Variants in RAPGEF4 observed in about 807,000 individuals in gnomAD.
The protein encoded by RAPGEF4 is RAP guanine-nucleotide-exchange factor (GEF) 4.
A neutral mutation model predicts 147.9 loss-of-function variants in RAPGEF4; 66 were observed. The observed-to-expected ratio is 0.45, with a 90% CI of 0.37 to 0.55. The LOEUF is 0.55. Among genes scored for constraint, RAPGEF4 ranks in the 20% least tolerant of loss-of-function variants. The pLI is 0.00. For missense variants in RAPGEF4, 1,071 were observed against 1,257.3 expected, an observed-to-expected ratio of 0.85 and a Z score of 2.24; for synonymous variants, 419 against 442.7, an observed-to-expected ratio of 0.95 and a Z score of 0.67.
At chr2:172,975,549 CT>C (rs1690974545) in intron 10 of RAPGEF4, among the ~76,000 whole-genome samples, 1 of 152,106 alleles carries the variant, frequency 6.6e-6, no homozygotes. Flanking sequence ...TTCTTTTTTT[CT>C]TTCATTGACA....
At chr2:172,899,680 G>T (rs1256520907) in intron 4 of RAPGEF4, among the ~76,000 whole-genome samples, 1 of 152,110 alleles carries the variant, frequency 6.6e-6, no homozygotes, top group Non-Finnish European at 1.5e-5. Context: ...CTGCTGGGTG[G>T]CACCTGCAGA....
chr2:173,049,258 A>G (rs1193154785), intron 30 of RAPGEF4, among the ~76,000 whole-genome samples: 1 of 152,184 alleles, frequency 6.6e-6, no homozygotes, highest in African/African-American at 2.4e-5. Flanking sequence ...AATAATAAAT[A>G]ACAATTTTAG....
At chr2:172,775,961 G>C (rs17754879) in intron 1 of RAPGEF4, among the ~76,000 whole-genome samples, 14,244 of 152,124 alleles carry the variant, frequency 0.094, 893 homozygotes, top group Non-Finnish European at 0.12. Flanking sequence ...GCCATGAAGA[G>C]TACTTTATTC....
chr2:172,927,626 C>T (rs1471114938), intron 6 of RAPGEF4, among the ~76,000 whole-genome samples: 1 of 139,736 alleles, frequency 7.2e-6, no homozygotes, highest in East Asian at 2.3e-4. Flanking sequence ...CAGAGTGAGA[C>T]CTTGTCTCTA....
At chr2:172,744,230 G>T in intron 1 of RAPGEF4, 1 of 278,956 alleles carries the variant, frequency 3.6e-6, no homozygotes, top group Non-Finnish European at 7.2e-6. Context: ...GGATCTCCCC[G>T]TTTTCTGTTT....
chr2:172,988,513 G>A (rs572527074), intron 13 of RAPGEF4, among the ~76,000 whole-genome samples, 180 bp from the exon 14 acceptor site: 4 of 152,306 alleles, frequency 2.6e-5, no homozygotes, highest in South Asian at 2.1e-4. Flanking sequence ...GCCACAGACC[G>A]TATTACTCAG....
rs556230063 is a variant in RAPGEF4, at chr2:173,049,501, C to T, written c.2908+847C>T. Among the ~76,000 whole-genome samples the T allele has an allele frequency of 6.6e-5, 10 of 152,304 alleles. No individual in the cohort carries two copies. In the South Asian group the frequency reaches 1.9e-3, roughly 28 times the overall value. On this transcript the variant is annotated intron_variant, in intron 30 of 30. Transcript: ENST00000397081. ...CTATGACATAGACATGAATCTGAGG[C>T]TACCAGTACCGTCTCCTCCAATAAA...
intron 4 of RAPGEF4, among the ~76,000 whole-genome samples, chr2:172,906,760 T>C (rs538978679): frequency 1.7e-4 from 26 of 152,308 alleles, no homozygotes; most frequent in Non-Finnish European, 2.9e-4. Context: ...ACCTCCACAG[T>C]AGGGAGTCCT....
chr2:172,869,827 TGAGCTCA>T (rs1056386004), intron 4 of RAPGEF4, among the ~76,000 whole-genome samples: 2 of 152,188 alleles, frequency 1.3e-5, no homozygotes, highest in African/African-American at 4.8e-5. Flanking sequence ...TCCAGAAATC[TGAGCTCA>T]GACAATGTAA....
chr2:172,825,460 A>G (rs1184560872), intron 4 of RAPGEF4, among the ~76,000 whole-genome samples: 1 of 152,206 alleles, frequency 6.6e-6, no homozygotes. Flanking sequence ...TATAACAGGC[A>G]TTGCTATTGC....
intron 4 of RAPGEF4, among the ~76,000 whole-genome samples, chr2:172,897,936 A>G (rs1015565127): frequency 1.6e-4 from 25 of 152,174 alleles, no homozygotes; most frequent in East Asian, 3.9e-4. Flanking sequence ...CTGACAGTGG[A>G]ACAAGGTTAG....
intron 1 of RAPGEF4, among the ~76,000 whole-genome samples, chr2:172,778,578 C>T (rs1684393021): frequency 6.6e-6 from 1 of 151,904 alleles, no homozygotes; most frequent in Non-Finnish European, 1.5e-5. Flanking sequence ...TGGTTTAGAA[C>T]CATTTTCAAT....
chr2:173,007,030 T>C (rs1694548561), intron 17 of RAPGEF4, among the ~76,000 whole-genome samples: 1 of 152,214 alleles, frequency 6.6e-6, no homozygotes, highest in African/African-American at 2.4e-5. Flanking sequence ...TGCTAAAAAA[T>C]ATTTCATATA....
At chr2:173,001,421 C>G (rs1693910898) in intron 17 of RAPGEF4, 77 bp downstream of exon 17, 1 of 1,570,766 alleles carries the variant, frequency 6.4e-7, no homozygotes, top group Non-Finnish European at 8.7e-7. Flanking sequence ...CTTATCTCAT[C>G]TTCTGCAGGT....
chr2:172,838,523 A>T (rs1691218265), intron 4 of RAPGEF4, among the ~76,000 whole-genome samples: 1 of 152,180 alleles, frequency 6.6e-6, no homozygotes, highest in Admixed American at 6.5e-5. Context: ...AGGAAATCTC[A>T]TGCACGGTAG....
intron 4 of RAPGEF4, among the ~76,000 whole-genome samples, chr2:172,827,399 T>C (rs567389807): frequency 1.3e-5 from 2 of 152,220 alleles, no homozygotes; most frequent in Admixed American, 1.3e-4. Context: ...ACTTTACCCT[T>C]CAGTATTTCA....
intron 30 of RAPGEF4, among the ~76,000 whole-genome samples, chr2:173,049,285 T>G (rs1685901017): frequency 6.6e-6 from 1 of 152,190 alleles, no homozygotes; most frequent in Middle Eastern, 3.2e-3. Context: ...GGGAGTTAAG[T>G]TGCATCATAG....
chr2:172,853,328 A>C (rs1452355718), intron 4 of RAPGEF4, among the ~76,000 whole-genome samples: 3 of 152,030 alleles, frequency 2.0e-5, no homozygotes, highest in African/African-American at 7.2e-5. Flanking sequence ...GCACTATTAA[A>C]GATTTTTAAT....
intron 4 of RAPGEF4, among the ~76,000 whole-genome samples, chr2:172,862,450 G>A (rs1248624963): frequency 6.6e-6 from 1 of 152,092 alleles, no homozygotes; most frequent in Non-Finnish European, 1.5e-5. Context: ...TTCAGCAAGT[G>A]TTTATTTAGC....
Sources: gnomAD v4.1 joint callset for allele counts (sites outside exome capture counted in the v4.1 genomes callset) on GRCh38, gnomAD v4.1.1 for gene constraint, MANE v1.5 for transcripts, NCBI Gene and HGNC (gene_info 2026-07-23, HGNC 2026-07-21) for gene names.